Variants in SLC29A2 observed in about 807,000 individuals in gnomAD.
SLC29A2 encodes the protein equilibrative nucleoside transporter 2.
In SLC29A2, 37 loss-of-function variants were observed where a neutral mutation model predicts 48.8. The observed-to-expected ratio is 0.76, with a 90% CI of 0.58 to 1.00. The LOEUF (loss-of-function observed/expected upper bound fraction) is 1.00, where lower values mean the gene tolerates loss of function less well. Among genes scored for constraint, SLC29A2 ranks in the 50% least tolerant of loss-of-function variants. The probability of loss-of-function intolerance (pLI) is 0.00; values close to 1 mark genes in which losing one functional copy is unlikely to be tolerated. For synonymous variants in SLC29A2, 233 were observed against 261.7 expected (o/e 0.89, Z 1.06); for missense variants, 533 against 578.6 (o/e 0.92, Z 0.81).
At chr11:66,366,587 A>G in intron 7 of SLC29A2, 23 bp from the exon 8 acceptor site, 1 of 1,612,136 alleles carries the variant, frequency 6.2e-7, no homozygotes, top group South Asian at 1.1e-5. Context: ...GGGACGGGGA[A>G]GGGTCATGCT....
Position 66,371,253 on chromosome 11 carries a change from G to T in SLC29A2, c.102C>A (p.Thr34=). 1 of 1,613,740 alleles carries T rather than the reference G, an allele frequency of 6.2e-7. No individual in the cohort carries two copies. Among genetic ancestry groups the T allele is most frequent in the South Asian group, 1.1e-5 (1 of 91,086 alleles). Residue 34 remains threonine (T), a synonymous_variant, in exon 2 of 12, where the codon ACC becomes ACA. Transcript: ENST00000357440. ...CCGCCAGGAGTCTCACCGGGATGGC[G>T]GTGATGAAGAAGTTCCAGGGAAGGA... ...GTLLPWNFFI[T]AIPYFQARLA...
rs1263134007 is a variant in SLC29A2 at position 66,363,010 on chromosome 11, C to T, written c.*426G>A. On this transcript the variant is annotated 3_prime_UTR_variant, in exon 12 of 12. Coordinates refer to ENST00000357440, the MANE Select transcript of SLC29A2 (RefSeq NM_001532.3). ...CCTCCTCTCAGGTGCCCACAACTTC[C>T]CTGGCACCTTTTACCCTGGGTGGCT... 1.1e-5 allele frequency: 3 copies of T among 270,680 alleles called. No individual in the cohort carries two copies. Among genetic ancestry groups the T allele is most frequent in the African/African-American group, 2.2e-5 (1 of 45,140 alleles). 16.8% of individuals were successfully genotyped at this position (270,680 alleles called of 1,614,324 possible).
chr11:66,363,391 A>C lies in SLC29A2; in HGVS notation c.*45T>G. 1.4e-6 allele frequency: 2 copies of C among 1,463,102 alleles called. No homozygotes were observed. The highest frequency in any genetic ancestry group is 1.9e-6 in the Non-Finnish European group (2 of 1,044,642). The allele number at this position is 1,463,102 out of a possible 1,614,324, so 90.6% of individuals were successfully genotyped here. On this transcript the variant is annotated 3_prime_UTR_variant, in exon 12 of 12. Transcript: ENST00000357440. ...CCCTGGGCTGGATCTCAGCTCCGGA[A>C]GGAGACGTCGAGAAGAGGCTGCCAA...
At chr11:66,367,356 G>T (rs1211887586) in intron 7 of SLC29A2, 108 bp downstream of exon 7, 3 of 899,860 alleles carry the variant, frequency 3.3e-6, no homozygotes, top group African/African-American at 1.6e-5. Flanking sequence ...TTTGCACAAG[G>T]CTACTAGGGG....
rs191135573 is a variant in SLC29A2, at chr11:66,363,835, C to T, written c.1260-288G>A. ...GCCAGCTTCATTCTCTCTGGATTCTCCACTCCATTGCCCCTTGAGGAAATA... is the reference window on the plus strand; with the variant it reads ...GCCAGCTTCATTCTCTCTGGATTCTTCACTCCATTGCCCCTTGAGGAAATA... On this transcript the variant is annotated intron_variant, in intron 11 of 11. Coordinates refer to ENST00000357440, the MANE Select transcript of SLC29A2 (RefSeq NM_001532.3). 3.2e-4 allele frequency: 171 copies of T among 531,370 alleles called. 1 individual carries two copies. In the East Asian group the frequency reaches 4.6e-3, roughly 14 times the overall value. The allele number at this position is 531,370 out of a possible 1,614,324, so 32.9% of individuals were successfully genotyped here. A position where few individuals can be genotyped will look rare whatever the true frequency, so the allele number is the denominator to read the frequency against.
rs1413009836 is a variant in SLC29A2 at position 66,365,952 on chromosome 11, G to GT, written c.1042dup (p.Thr348AsnfsTer60). On this transcript the variant is annotated frameshift_variant, in exon 10 of 12. Transcript: ENST00000357440. LOFTEE classifies it high-confidence loss of function. Reference sequence around the variant, plus strand: ...TGTGCTTACCCACAGGAAGTAAGAGGTCAGGCTCCGTCCCAGCCAGTCCAT... The same window carrying GT: ...TGTGCTTACCCACAGGAAGTAAGAGGTTCAGGCTCCGTCCCAGCCAGTCCAT... 1 of 1,614,064 alleles carries GT rather than the reference G, an allele frequency of 6.2e-7. No individual in the cohort carries two copies. The highest frequency in any genetic ancestry group is 8.5e-7 in the Non-Finnish European group (1 of 1,180,020).
chr11:66,371,366 G>A (rs781312348), intron 1 of SLC29A2, 41 bp from the exon 2 acceptor site: 1 of 1,591,842 alleles, frequency 6.3e-7, no homozygotes, highest in Non-Finnish European at 8.6e-7. Flanking sequence ...GGACGCACCC[G>A]CCTCCGCAGG....
intron 7 of SLC29A2, among the ~76,000 whole-genome samples, chr11:66,366,844 G>A (rs982376597): frequency 6.6e-6 from 1 of 152,178 alleles, no homozygotes; most frequent in Non-Finnish European, 1.5e-5. Flanking sequence ...AGCTACTCGG[G>A]AGACTGAGGT....
At chr11:66,364,625 C>T (rs185225640) in intron 10 of SLC29A2, 45 of 554,188 alleles carry the variant, frequency 8.1e-5, no homozygotes, top group African/African-American at 7.6e-4. Context: ...CTGCTTCAGC[C>T]TCCTGAGTAG....
chr11:66,371,235 G>A lies in SLC29A2; in HGVS notation c.111+9C>T. The A allele has an allele frequency of 6.2e-7, 1 of 1,612,844 alleles. No homozygotes were observed. The highest frequency in any genetic ancestry group is 8.5e-7 in the Non-Finnish European group (1 of 1,179,176). On this transcript the variant is annotated intron_variant, in intron 2 of 11. Transcript: ENST00000357440. ...GGCCACGAGGCTGCCACGCCGCCAG[G>A]AGTCTCACCGGGATGGCGGTGATGA...
rs973750856 is a variant in SLC29A2 at position 66,371,603 on chromosome 11, C to T, written c.-12G>A. The T allele has an allele frequency of 6.5e-6, 10 of 1,547,696 alleles. No individual in the cohort carries two copies. The highest frequency in any genetic ancestry group is 3.4e-4 in the Middle Eastern group (2 of 5,870). ...TCTCCTCGCGCCATGGCCGCCGCGG[C>T]GGATGCGCCTGGGGTGAAAGGGGCA... On this transcript the variant is annotated 5_prime_UTR_variant, in exon 1 of 12. Coordinates refer to ENST00000357440, the MANE Select transcript of SLC29A2 (RefSeq NM_001532.3).
Position 66,369,175 on chromosome 11 carries a change from C to T in SLC29A2, c.300G>A (p.Leu100=), listed in dbSNP as rs1193154275. Residue 100 remains leucine (L), a synonymous_variant, in exon 4 of 12, where the codon CTG becomes CTA. Coordinates refer to ENST00000357440, the MANE Select transcript of SLC29A2 (RefSeq NM_001532.3). ...GCAGCAGTATGGCCAGCAGGCTGCC[C>T]AGAATGCGCACCGTCTCCGGGACGC... is the stretch of plus-strand genomic sequence containing the variant. ...YQCVPETVRI[L]GSLLAILLLF... is the part of the protein sequence containing the mutation. 1 of 1,576,104 alleles carries T rather than the reference C, an allele frequency of 6.3e-7. No homozygotes were observed. Among genetic ancestry groups the T allele is most frequent in the South Asian group, 1.2e-5 (1 of 86,498 alleles).
At chr11:66,363,843 T>C (rs1855509692) in intron 11 of SLC29A2, 1 of 523,656 alleles carries the variant, frequency 1.9e-6, no homozygotes, top group Non-Finnish European at 3.5e-6. Context: ...CTCCACTCCA[T>C]TGCCCCTTGA....
chr11:66,367,938 T>C, intron 5 of SLC29A2, 69 bp from the exon 6 acceptor site: 2 of 1,204,736 alleles, frequency 1.7e-6, no homozygotes, highest in East Asian at 5.0e-5. Flanking sequence ...CTTCCAACTC[T>C]TGTCCCACTT....
rs567766335 is a variant in SLC29A2, at chr11:66,365,080, T to C, written c.1060-656A>G. Among the ~76,000 whole-genome samples, 6 of 151,164 alleles carry C rather than the reference T, an allele frequency of 4.0e-5. No individual in the cohort carries two copies. In the South Asian group the frequency reaches 1.3e-3, roughly 32 times the overall value. ...GCACCACCACACCTGCTAATTGTTA[T>C]CTTTTTAGTAGAGACGGGGTTTCAC... On this transcript the variant is annotated intron_variant, in intron 10 of 11. Coordinates refer to ENST00000357440, the MANE Select transcript of SLC29A2 (RefSeq NM_001532.3).
intron 5 of SLC29A2, 73 bp from the exon 6 acceptor site, chr11:66,367,942 C>T: frequency 8.6e-7 from 1 of 1,165,452 alleles, no homozygotes; most frequent in Non-Finnish European, 1.3e-6. Context: ...CAACTCTTGT[C>T]CCACTTCCCA....
chr11:66,364,977 C>T (rs547736447), intron 10 of SLC29A2, among the ~76,000 whole-genome samples: 1 of 152,040 alleles, frequency 6.6e-6, no homozygotes, highest in Admixed American at 6.5e-5. Flanking sequence ...GACAGAGTCT[C>T]GCTCTGTCTC....
At chr11:66,367,249 CCT>C (rs1272643903) in intron 7 of SLC29A2, among the ~76,000 whole-genome samples, 3 of 152,306 alleles carry the variant, frequency 2.0e-5, no homozygotes, top group African/African-American at 7.2e-5. Flanking sequence ...ATGCATGGAA[CCT>C]CTGTCGCCTC....
At position 66,371,686 on chromosome 11, in the gene SLC29A2, G is replaced by A. The variant is rs1054444732; in HGVS notation, c.-95C>T. On this transcript the variant is annotated 5_prime_UTR_variant, in exon 1 of 12. Transcript: ENST00000357440. ...AGGGCCGCAGACCGGTGGGGCGGGG[G>A]GCGGGTCTCCCCAGATTCCGGTGCA... The A allele has an allele frequency of 3.9e-6, 5 of 1,296,950 alleles. No homozygotes were observed. The highest frequency in any genetic ancestry group is 2.6e-5 in the East Asian group (1 of 39,166). The allele number at this position is 1,296,950 out of a possible 1,614,324, so 80.3% of individuals were successfully genotyped here. A position where few individuals can be genotyped will look rare whatever the true frequency, so the allele number is the denominator to read the frequency against.
Sources: gnomAD v4.1 joint callset for allele counts (sites outside exome capture counted in the v4.1 genomes callset) on GRCh38, gnomAD v4.1.1 for gene constraint, MANE v1.5 for transcripts, NCBI Gene and HGNC (gene_info 2026-07-23, HGNC 2026-07-21) for gene names.